The following RASSF5 variants were observed in gnomAD, a reference collection of about 807,000 sequenced individuals.
RASSF5 encodes ras association domain-containing protein 5.
A neutral mutation model predicts 40.5 loss-of-function variants in RASSF5; 25 were observed. The ratio of observed to expected loss-of-function variants is 0.62; its 90% CI spans 0.45 to 0.86. The LOEUF is 0.86. RASSF5 is among the 40% of genes least tolerant of loss of function. The pLI, the probability that RASSF5 is intolerant of heterozygous loss-of-function variation, is 0.00. For missense variants in RASSF5, 521 were observed against 572.8 expected (o/e 0.91, Z 0.92); for synonymous variants, 246 against 252.4 (o/e 0.97, Z 0.24).
chr1:206,514,286 T>C (rs1553395088), intron 1 of RASSF5, among the ~76,000 whole-genome samples: 1 of 152,256 alleles, frequency 6.6e-6, no homozygotes, highest in African/African-American at 2.4e-5. Flanking sequence ...CTGGGAATTG[T>C]AGCAGGTTCT....
chr1:206,557,844 T>A, intron 2 of RASSF5: 1 of 811,000 alleles, frequency 1.2e-6, no homozygotes, highest in Non-Finnish European at 2.0e-6. Flanking sequence ...GCATCGTATC[T>A]GGAGCCCTTC....
chr1:206,537,094 G>A (rs141080724), intron 1 of RASSF5, among the ~76,000 whole-genome samples: 267 of 152,172 alleles, frequency 1.8e-3, no homozygotes, highest in African/African-American at 6.0e-3. Flanking sequence ...CCTTCTGCCA[G>A]GAGGCTCCAA....
chr1:206,547,892 G>A (rs938271448), intron 2 of RASSF5, among the ~76,000 whole-genome samples: 3 of 151,908 alleles, frequency 2.0e-5, no homozygotes, highest in South Asian at 2.1e-4. Flanking sequence ...GTTTCCATCC[G>A]ATATCATTTT....
intron 1 of RASSF5, among the ~76,000 whole-genome samples, chr1:206,523,705 A>C (rs1424005406): frequency 5.6e-4 from 41 of 72,988 alleles, no homozygotes; most frequent in Admixed American, 3.4e-3. Context: ...TAATATATTT[A>C]TATATTATAC....
intron 1 of RASSF5, among the ~76,000 whole-genome samples, chr1:206,521,623 T>C (rs1666909072): frequency 6.6e-6 from 1 of 152,236 alleles, no homozygotes; most frequent in Non-Finnish European, 1.5e-5. Flanking sequence ...ACCACAAATA[T>C]ACTCTAGGCT....
intron 1 of RASSF5, among the ~76,000 whole-genome samples, chr1:206,520,399 G>T (rs1039297996): frequency 2.0e-5 from 3 of 152,176 alleles, no homozygotes; most frequent in Non-Finnish European, 4.4e-5. Flanking sequence ...CTGAGGTCAG[G>T]AGTTCGAGAC....
chr1:206,513,933 AC>A lies in RASSF5; in HGVS notation c.457+5875del, dbSNP rs1666683739. 6.6e-6 allele frequency among the ~76,000 whole-genome samples: 1 copy of A among 152,196 alleles called. No homozygotes were observed. Among genetic ancestry groups the A allele is most frequent in the Non-Finnish European group, 1.5e-5 (1 of 68,042 alleles). On this transcript the variant is annotated intron_variant, in intron 1 of 5. Coordinates refer to ENST00000579436, the MANE Select transcript of RASSF5 (RefSeq NM_182663.4). The surrounding 1 kb of genome is among the most constrained non-coding windows in gnomAD (Gnocchi z 5.0). ...CCCAAGGTCAAGACTATCTTGACTCACACCTGGGGAAGTGACTTTTGAGTTT... is the reference window on the plus strand; with the variant it reads ...CCCAAGGTCAAGACTATCTTGACTCAACCTGGGGAAGTGACTTTTGAGTTT...
chr1:206,515,194 G>A (rs1666714909), intron 1 of RASSF5, among the ~76,000 whole-genome samples: 1 of 152,042 alleles, frequency 6.6e-6, no homozygotes, highest in Non-Finnish European at 1.5e-5. Flanking sequence ...GGAGGTACAG[G>A]AAAAAAAGGG....
intron 2 of RASSF5, among the ~76,000 whole-genome samples, chr1:206,548,218 A>G (rs1283327617): frequency 1.3e-5 from 2 of 152,140 alleles, no homozygotes; most frequent in Middle Eastern, 6.3e-3. Flanking sequence ...CTATGAAGGT[A>G]TACCTGAGAC....
chr1:206,545,330 T>C (rs1013395560), intron 2 of RASSF5, among the ~76,000 whole-genome samples: 3 of 148,178 alleles, frequency 2.0e-5, no homozygotes, highest in African/African-American at 7.5e-5. Context: ...GCATAAACTT[T>C]TAGGAATTTC....
chr1:206,538,657 A>G (rs1029776953), intron 2 of RASSF5, among the ~76,000 whole-genome samples: 1 of 152,230 alleles, frequency 6.6e-6, no homozygotes, highest in Non-Finnish European at 1.5e-5. Context: ...AGGCATCTCA[A>G]GCACATTGTC....
intron 2 of RASSF5, among the ~76,000 whole-genome samples, chr1:206,572,908 C>CG (rs1668499333): frequency 6.6e-6 from 1 of 151,992 alleles, no homozygotes; most frequent in Admixed American, 6.5e-5. Flanking sequence ...AAGGGCCTAT[C>CG]GGGAATCAAG....
chr1:206,537,787 C>T (rs1344614881), intron 1 of RASSF5, among the ~76,000 whole-genome samples: 1 of 152,130 alleles, frequency 6.6e-6, no homozygotes, highest in Non-Finnish European at 1.5e-5. Context: ...TCAAGTCCTT[C>T]CCCAGGGATT....
intron 1 of RASSF5, among the ~76,000 whole-genome samples, chr1:206,519,830 T>C (rs1211338056): frequency 2.0e-5 from 3 of 152,234 alleles, no homozygotes; most frequent in African/African-American, 7.2e-5. Context: ...TTAATTCAAC[T>C]AGCCCTAATC....
intron 1 of RASSF5, among the ~76,000 whole-genome samples, chr1:206,510,614 G>A (rs1666591209): frequency 6.6e-6 from 1 of 152,136 alleles, no homozygotes. Context: ...ACTCTGCCTG[G>A]TTGCTGAGCT....
chr1:206,508,128 C>T, intron 1 of RASSF5, 69 bp downstream of exon 1: 2 of 1,210,146 alleles, frequency 1.7e-6, no homozygotes, highest in Non-Finnish European at 2.1e-6. Flanking sequence ...TGGGAGGGCC[C>T]TGGGGCAGGG....
chr1:206,585,373 T>A (rs782557253), intron 5 of RASSF5, 78 bp downstream of exon 5: 1 of 1,034,024 alleles, frequency 9.7e-7, no homozygotes, highest in Non-Finnish European at 1.5e-6. Flanking sequence ...CCTAACTACC[T>A]CACATAGGTG....
intron 2 of RASSF5, among the ~76,000 whole-genome samples, chr1:206,562,342 A>T (rs1447037862): frequency 6.6e-6 from 1 of 152,260 alleles, no homozygotes; most frequent in African/African-American, 2.4e-5. Context: ...AGATTACTAA[A>T]AATAAGTTAG....
chr1:206,546,913 C>A (rs1667708497), intron 2 of RASSF5, among the ~76,000 whole-genome samples: 1 of 152,120 alleles, frequency 6.6e-6, no homozygotes, highest in East Asian at 1.9e-4. Flanking sequence ...AGGAGGGAAC[C>A]ATCTGTACAT....
Sources: allele counts gnomAD v4.1 joint callset (sites outside exome capture counted in the v4.1 genomes callset), GRCh38; gene constraint gnomAD v4.1.1; non-coding constraint Gnocchi (gnomAD v3.1); transcripts MANE v1.5; gene names NCBI Gene and HGNC (gene_info 2026-07-23, HGNC 2026-07-21).